Variants in TMEM276 observed in about 807,000 individuals in gnomAD.
TMEM276 encodes transmembrane protein 276.
chr8:144,466,056 G>A, the TMEM276 span: 1 of 149,344 alleles, frequency 6.7e-6, no homozygotes, highest in Non-Finnish European at 1.5e-5. Context: ...GCTGTAGGGA[G>A]AGGAAGGAGA....
the TMEM276 span, chr8:144,465,481 C>T: frequency 1.4e-5 from 14 of 984,904 alleles, no homozygotes; most frequent in Non-Finnish European, 1.7e-5. Context: ...CGGGAACCTC[C>T]ACCAGCGAGA....
At chr8:144,465,192 A>T in the TMEM276 span, 1 of 1,310,144 alleles carries the variant, frequency 7.6e-7, no homozygotes, top group East Asian at 3.1e-5. Flanking sequence ...CCTGGAGCCC[A>T]AGTGGGAGTG....
chr8:144,465,177 G>A, the TMEM276 span: 11 of 1,356,790 alleles, frequency 8.1e-6, no homozygotes, highest in Middle Eastern at 2.1e-4. Flanking sequence ...CGTCAGCCCT[G>A]GGGCCCTGGA....
At chr8:144,466,489 G>A in the TMEM276 span, 4 of 1,324,458 alleles carry the variant, frequency 3.0e-6, no homozygotes, top group East Asian at 3.4e-5. Context: ...TGGCGCCGCG[G>A]CGGCCGCGGA....
At chr8:144,466,684 C>T in the TMEM276 span, 1 of 1,276,196 alleles carries the variant, frequency 7.8e-7, no homozygotes. Flanking sequence ...CCCAATCCTC[C>T]GGCCCGGTTC....
the TMEM276 span, chr8:144,464,635 A>C: frequency 6.3e-7 from 1 of 1,589,472 alleles, no homozygotes; most frequent in East Asian, 2.2e-5. Context: ...GGAAGGGAGA[A>C]CACGTGGGAA....
the TMEM276 span, chr8:144,466,681 C>T: frequency 6.3e-6 from 8 of 1,267,450 alleles, no homozygotes; most frequent in Middle Eastern, 8.3e-4. Context: ...GGCCCCAATC[C>T]TCCGGCCCGG....
At chr8:144,464,431 A>C in the TMEM276 span, 2 of 1,612,288 alleles carry the variant, frequency 1.2e-6, no homozygotes, top group Non-Finnish European at 1.7e-6. Context: ...TCCCAGGAGC[A>C]GGTTGGCAGA....
At chr8:144,464,929 G>A in the TMEM276 span, 58 of 1,605,928 alleles carry the variant, frequency 3.6e-5, no homozygotes, top group Admixed American at 2.0e-4. Context: ...TATGTACGAG[G>A]ACACAGATAG....
At chr8:144,466,388 C>A in the TMEM276 span, 5 of 996,814 alleles carry the variant, frequency 5.0e-6, no homozygotes, top group African/African-American at 8.8e-5. Flanking sequence ...CGGGGCGGCG[C>A]GAAGCGGGGC....
At chr8:144,464,823 C>G in the TMEM276 span, 2 of 1,612,780 alleles carry the variant, frequency 1.2e-6, no homozygotes, top group Non-Finnish European at 1.7e-6. Context: ...GCTGTGCTCA[C>G]GGCTGCGTGC....
the TMEM276 span, chr8:144,465,386 G>T: frequency 1.9e-6 from 2 of 1,031,062 alleles, no homozygotes; most frequent in African/African-American, 3.5e-5. Context: ...CGGCGAGCGG[G>T]AGGCCCGAGC....
the TMEM276 span, chr8:144,464,297 T>C: frequency 2.5e-6 from 4 of 1,612,118 alleles, no homozygotes; most frequent in South Asian, 3.3e-5. Context: ...ATCCCATAAG[T>C]GTTGGCCGTG....
the TMEM276 span, chr8:144,466,413 C>T: frequency 1.6e-6 from 2 of 1,279,236 alleles, no homozygotes; most frequent in East Asian, 7.4e-5. Context: ...TGCCGCCCCG[C>T]GCTCCCATGT....
the TMEM276 span, chr8:144,464,707 C>G: frequency 6.3e-7 from 1 of 1,576,288 alleles, no homozygotes; most frequent in African/African-American, 1.4e-5. Context: ...GAGACCTGGT[C>G]TTAGACGCAC....
the TMEM276 span, chr8:144,464,369 A>G: frequency 1.2e-6 from 2 of 1,610,770 alleles, no homozygotes; most frequent in South Asian, 1.1e-5. Context: ...CCAGCCACAG[A>G]GCGGCCCTCA....
the TMEM276 span, chr8:144,466,678 A>G: frequency 2.8e-5 from 34 of 1,230,558 alleles, no homozygotes; most frequent in Non-Finnish European, 3.5e-5. Context: ...TTCGGCCCCA[A>G]TCCTCCGGCC....
the TMEM276 span, chr8:144,465,290 G>C: frequency 2.9e-5 from 33 of 1,126,196 alleles, no homozygotes; most frequent in African/African-American, 5.1e-4. Context: ...GCGTTGTCCT[G>C]GGAACCCGGG....
the TMEM276 span, chr8:144,466,462 C>G: frequency 7.3e-7 from 1 of 1,362,080 alleles, no homozygotes; most frequent in African/African-American, 1.5e-5. Context: ...CTTCTACAGC[C>G]TCTTCCGCAG....
Sources: gnomAD v4.1 joint callset for allele counts on GRCh38, gnomAD v4.1.1 for gene constraint, MANE v1.5 for transcripts, NCBI Gene and HGNC (gene_info 2026-07-23, HGNC 2026-07-21) for gene names.